ECI2: variants seen among roughly 807,000 people sequenced by gnomAD.
ECI2 encodes D3,D2-enoyl-CoA isomerase.
Under a neutral mutation model 38.4 loss-of-function variants are expected in ECI2, and 27 were observed. The observed-to-expected ratio is 0.70, with a 90% CI of 0.52 to 0.97. ECI2 has a LOEUF of 0.97. ECI2 is among the 50% of genes least tolerant of loss of function. The probability of loss-of-function intolerance (pLI) is 0.00; values close to 1 mark genes in which losing one functional copy is unlikely to be tolerated. For missense variants in ECI2, 470 were observed against 474.4 expected (o/e 0.99, Z 0.09); for synonymous variants, 168 against 172.0 (o/e 0.98, Z 0.18).
chr6:4,119,383 C>A, intron 7 of ECI2, 108 bp from the exon 8 acceptor site: 2 of 770,802 alleles, frequency 2.6e-6, no homozygotes, highest in South Asian at 3.5e-5. Flanking sequence ...TGAAGTGGCG[C>A]GATCTCGGCT....
At chr6:4,130,093 A>G in intron 4 of ECI2, 1 of 1,609,678 alleles carries the variant, frequency 6.2e-7, no homozygotes, top group South Asian at 1.1e-5. Flanking sequence ...AAATTCTCTC[A>G]TAGCAACATG....
In ECI2 at chr6:4,130,865, C is replaced by T; in HGVS notation, c.214G>A (p.Ala72Thr). ...GGCATGTTACAAGGTCCTTCAGTGG[C>T]CTGTGAAAAGGAGAGGGGCAATATG... ...KLKLYALYKQ[A>T]TEGPCNMPKP... Residue 72 changes from alanine (A) to threonine (T), a missense_variant and splice_region_variant, in exon 3 of 10, where the codon GCC becomes ACC. Coordinates refer to ENST00000380118, the MANE Select transcript of ECI2 (RefSeq NM_206836.3). The T allele has an allele frequency of 1.2e-6, 2 of 1,613,870 alleles. No individual in the cohort carries two copies. The highest frequency in any genetic ancestry group is 2.7e-5 in the African/African-American group (2 of 75,014).
intron 7 of ECI2, 49 bp from the exon 8 acceptor site, chr6:4,119,324 T>C: frequency 7.1e-7 from 1 of 1,414,196 alleles, no homozygotes; most frequent in Non-Finnish European, 9.7e-7. Context: ...GTGTGATTTT[T>C]TTTTTTTTTT....
intron 4 of ECI2, 76 bp from the exon 5 acceptor site, chr6:4,127,907 C>A: frequency 1.4e-6 from 2 of 1,426,890 alleles, no homozygotes; most frequent in South Asian, 2.5e-5. Context: ...CAACAAATGT[C>A]AGGCTGCAAG....
At chr6:4,130,171 G>C (rs780857831) in intron 4 of ECI2, 1 of 1,613,792 alleles carries the variant, frequency 6.2e-7, no homozygotes, top group East Asian at 2.2e-5. Flanking sequence ...GGGTATATCA[G>C]AACCTACCTG....
intron 2 of ECI2, among the ~76,000 whole-genome samples, chr6:4,132,758 C>T (rs1449678629): frequency 1.3e-5 from 2 of 152,122 alleles, no homozygotes; most frequent in East Asian, 3.9e-4. Context: ...CTTCATCTCT[C>T]TCTCTCTTTA....
intron 4 of ECI2, chr6:4,130,112 A>C: frequency 6.2e-7 from 1 of 1,612,254 alleles, no homozygotes; most frequent in Non-Finnish European, 8.5e-7. Flanking sequence ...TGTTTCATTT[A>C]TATTCATTTA....
intron 4 of ECI2, 91 bp downstream of exon 4, chr6:4,130,281 T>G: frequency 1.2e-6 from 2 of 1,613,506 alleles, no homozygotes; most frequent in Non-Finnish European, 1.7e-6. Context: ...TATCTTAAAA[T>G]AGGAATGATG....
chr6:4,126,746 G>A (rs1773188322), intron 5 of ECI2, among the ~76,000 whole-genome samples: 1 of 152,200 alleles, frequency 6.6e-6, no homozygotes, highest in African/African-American at 2.4e-5. Context: ...GTGCTTTGTA[G>A]ATCCCATGAG....
intron 8 of ECI2, chr6:4,118,320 C>G (rs1018707791): frequency 2.0e-5 from 3 of 152,494 alleles, no homozygotes; most frequent in Non-Finnish European, 4.4e-5. Context: ...GTGTGAGCCA[C>G]TGCACCCAGC....
intron 8 of ECI2, 61 bp downstream of exon 8, chr6:4,119,125 A>T: frequency 4.5e-6 from 6 of 1,323,794 alleles, no homozygotes; most frequent in South Asian, 1.3e-5. Context: ...ATATGAGATT[A>T]CTCTTCCTTC....
intron 2 of ECI2, among the ~76,000 whole-genome samples, chr6:4,132,668 A>C (rs1159784242): frequency 6.6e-6 from 1 of 152,226 alleles, no homozygotes; most frequent in Non-Finnish European, 1.5e-5. Context: ...AAAAATTTCC[A>C]AACATACCAA....
At chr6:4,135,208 A>G in intron 1 of ECI2, 1 of 793,082 alleles carries the variant, frequency 1.3e-6, no homozygotes, top group Non-Finnish European at 2.0e-6. Flanking sequence ...ACCCGCCCGG[A>G]GTCCGGCCCC....
intron 9 of ECI2, 52 bp from the exon 10 acceptor site, chr6:4,116,081 G>A: frequency 1.3e-6 from 2 of 1,570,646 alleles, no homozygotes; most frequent in South Asian, 2.4e-5. Flanking sequence ...GGCTGGACGT[G>A]GACTCATGCC....
At chr6:4,129,779 C>A (rs768298159) in intron 4 of ECI2, among the ~76,000 whole-genome samples, 18 of 152,060 alleles carry the variant, frequency 1.2e-4, no homozygotes, top group Non-Finnish European at 2.2e-4. Context: ...AAATTTTAGT[C>A]CCAGTTGAGC....
intron 7 of ECI2, among the ~76,000 whole-genome samples, chr6:4,122,307 G>A (rs1443710868): frequency 6.0e-5 from 9 of 150,488 alleles, no homozygotes; most frequent in South Asian, 2.1e-4. Context: ...TGCAACCTCC[G>A]CCTCCCGGGT....
chr6:4,121,581 A>G (rs1029792976), intron 7 of ECI2, among the ~76,000 whole-genome samples: 4 of 152,032 alleles, frequency 2.6e-5, no homozygotes, highest in Non-Finnish European at 4.4e-5. Flanking sequence ...TGAGTTGAAA[A>G]ATTGTTTCCT....
Position 4,125,304 on chromosome 6 carries a change from C to G in ECI2, c.741G>C (p.Val247=), listed in dbSNP as rs1752176720. The change falls in exon 7 of 10, where the codon GTG becomes GTC. Residue 247 remains valine (V), a synonymous_variant. Transcript: ENST00000380118. ...PLIAVVNGPA[V]GISVTLLGLF... is the part of the protein sequence containing the mutation. ...GCCCAAGGAGGGTGACGGAGATGCC[C>G]ACAGCTGGACCATTGACCACTGCAA... 6.2e-7 allele frequency: 1 copy of G among 1,613,980 alleles called. No individual in the cohort carries two copies. Among genetic ancestry groups the G allele is most frequent in the South Asian group, 1.1e-5 (1 of 91,090 alleles).
At chr6:4,124,243 A>G (rs1296470616) in intron 7 of ECI2, among the ~76,000 whole-genome samples, 1 of 152,220 alleles carries the variant, frequency 6.6e-6, no homozygotes, top group Non-Finnish European at 1.5e-5. Flanking sequence ...CTCATTTGCT[A>G]ATTTTGTGGG....
Sources: gnomAD v4.1 joint callset for allele counts (sites outside exome capture counted in the v4.1 genomes callset) on GRCh38, gnomAD v4.1.1 for gene constraint, MANE v1.5 for transcripts, NCBI Gene and HGNC (gene_info 2026-07-23, HGNC 2026-07-21) for gene names.